CREB5: variants seen among roughly 807,000 people sequenced by gnomAD.
CREB5 encodes cAMP responsive element binding protein 5.
Under a neutral mutation model 57.1 loss-of-function variants are expected in CREB5, and 19 were observed. That is an observed-to-expected ratio of 0.33 (90% confidence interval 0.23 to 0.49). The LOEUF (loss-of-function observed/expected upper bound fraction) is 0.49. Among genes scored for constraint, CREB5 ranks in the 20% least tolerant of loss-of-function variants. CREB5 has a pLI of 0.99. For missense variants in CREB5, 579 were observed against 671.6 expected (o/e 0.86, Z 1.52); for synonymous variants, 238 against 238.3 (o/e 1.00, Z 0.01).
At chr7:28,686,586 T>A in intron 5 of CREB5, among the ~76,000 whole-genome samples, 1 of 151,910 alleles carries the variant, frequency 6.6e-6, no homozygotes, top group Middle Eastern at 3.5e-3. Flanking sequence ...TTTGCTGCGG[T>A]GTCGCTCCTA....
chr7:28,594,815 C>G (rs1223938446), intron 5 of CREB5, among the ~76,000 whole-genome samples: 1 of 152,060 alleles, frequency 6.6e-6, no homozygotes, highest in Non-Finnish European at 1.5e-5. Flanking sequence ...CATGTGAGGC[C>G]CAGCTAACCA....
intron 5 of CREB5, among the ~76,000 whole-genome samples, chr7:28,625,329 A>G (rs1450048156): frequency 6.6e-6 from 1 of 152,144 alleles, no homozygotes; most frequent in Non-Finnish European, 1.5e-5. Context: ...TCTTTCCTCC[A>G]TCATTCTGAT....
chr7:28,823,976 C>T lies in CREB5; in HGVS notation c.*4697C>T, dbSNP rs747368916. On this transcript the variant is annotated 3_prime_UTR_variant, in exon 11 of 11. Coordinates refer to ENST00000357727, the MANE Select transcript of CREB5 (RefSeq NM_182898.4). ...AAATTGCACTTTAGCTTTTTGATCC[C>T]TTTGTATTTCTCTTATTCTCTTTCT... 8 of 152,458 alleles carry T rather than the reference C, an allele frequency of 5.2e-5. No individual in the cohort carries two copies. Among genetic ancestry groups the T allele is most frequent in the Non-Finnish European group, 7.4e-5 (5 of 68,008 alleles). 9.4% of individuals were successfully genotyped at this position (152,458 alleles called of 1,614,324 possible).
At chr7:28,678,053 G>C (rs1333515611) in intron 5 of CREB5, among the ~76,000 whole-genome samples, 1 of 152,192 alleles carries the variant, frequency 6.6e-6, no homozygotes, top group African/African-American at 2.4e-5. Flanking sequence ...TAAATCTATA[G>C]AACACCTTGG....
chr7:28,311,329 C>T (rs1231454065), intron 1 of CREB5, among the ~76,000 whole-genome samples: 1 of 151,976 alleles, frequency 6.6e-6, no homozygotes, highest in Non-Finnish European at 1.5e-5. Flanking sequence ...GACTCTTGAG[C>T]CCTTAGGACC....
At chr7:28,459,316 G>T (rs905453748) in intron 1 of CREB5, among the ~76,000 whole-genome samples, 6 of 152,116 alleles carry the variant, frequency 3.9e-5, no homozygotes, top group Non-Finnish European at 7.4e-5. Flanking sequence ...GAGTTTTCAG[G>T]TTGGCTGTCT....
intron 1 of CREB5, among the ~76,000 whole-genome samples, chr7:28,360,952 C>T (rs1037218634): frequency 6.6e-6 from 1 of 151,958 alleles, no homozygotes; most frequent in Non-Finnish European, 1.5e-5. Context: ...TAGTTGTAAC[C>T]ACTGAGGGGC....
At position 28,526,637 on chromosome 7, in the gene CREB5, T is replaced by C. The variant is rs78528807; in HGVS notation, c.291+18900T>C. Among the ~76,000 whole-genome samples the C allele has an allele frequency of 6.0e-3, 915 of 152,308 alleles. 11 individuals carry two copies. Among genetic ancestry groups the C allele is most frequent in the African/African-American group, 0.021 (864 of 41,558 alleles). ...ATCCTTGCTTTGGGAAGATTTACCA[T>C]CAAAGCAGAGTCCATGGTTTAGGCA... On this transcript the variant is annotated intron_variant, in intron 4 of 10. Transcript: ENST00000357727.
At chr7:28,667,735 C>A (rs1181172079) in intron 5 of CREB5, among the ~76,000 whole-genome samples, 1 of 152,108 alleles carries the variant, frequency 6.6e-6, no homozygotes, top group Non-Finnish European at 1.5e-5. Context: ...ATTTTTGAAG[C>A]CGAATCCAGC....
At chr7:28,348,916 A>G (rs1786130529) in intron 1 of CREB5, among the ~76,000 whole-genome samples, 2 of 152,218 alleles carry the variant, frequency 1.3e-5, no homozygotes, top group African/African-American at 4.8e-5. Flanking sequence ...TTATGGCATA[A>G]CCAACCCTGA....
At chr7:28,790,662 A>G (rs1807647812) in intron 7 of CREB5, among the ~76,000 whole-genome samples, 1 of 152,202 alleles carries the variant, frequency 6.6e-6, no homozygotes, top group African/African-American at 2.4e-5. Context: ...TATCGTGGAC[A>G]TGCTGAAGGA....
chr7:28,532,890 G>A (rs758801368), intron 4 of CREB5, among the ~76,000 whole-genome samples: 1 of 152,220 alleles, frequency 6.6e-6, no homozygotes, highest in East Asian at 1.9e-4. Flanking sequence ...CAACCCCTTA[G>A]ACAAGAGTTA....
intron 1 of CREB5, among the ~76,000 whole-genome samples, chr7:28,391,170 T>C (rs1283215098): frequency 6.6e-6 from 1 of 152,226 alleles, no homozygotes; most frequent in Non-Finnish European, 1.5e-5. Context: ...TTTTCTGTTC[T>C]ATTTCAAATT....
intron 4 of CREB5, among the ~76,000 whole-genome samples, chr7:28,525,665 CAGGCACTTATAATA>C (rs1359329789): frequency 6.6e-6 from 1 of 152,108 alleles, no homozygotes; most frequent in Non-Finnish European, 1.5e-5. Context: ...ACTCAGACCA[CAGGCACTTATAATA>C]AGGTGTGACA....
chr7:28,347,676 A>G (rs1353497150), intron 1 of CREB5, among the ~76,000 whole-genome samples: 2 of 152,174 alleles, frequency 1.3e-5, no homozygotes, highest in African/African-American at 4.8e-5. Context: ...TGAAATTTCA[A>G]TGCAATAGCT....
chr7:28,704,521 C>T (rs1006023146), intron 5 of CREB5, among the ~76,000 whole-genome samples: 10 of 152,074 alleles, frequency 6.6e-5, no homozygotes, highest in East Asian at 3.9e-4. Flanking sequence ...TGCAGTGACA[C>T]GATCATAGCT....
intron 1 of CREB5, among the ~76,000 whole-genome samples, chr7:28,378,042 G>T (rs113181126): frequency 4.5e-4 from 68 of 152,014 alleles, no homozygotes; most frequent in African/African-American, 1.5e-3. Context: ...AAAACAGCTG[G>T]TTTGCTATAA....
chr7:28,645,643 T>C (rs1415059755), intron 5 of CREB5, among the ~76,000 whole-genome samples: 4 of 152,230 alleles, frequency 2.6e-5, no homozygotes, highest in Non-Finnish European at 2.9e-5. Flanking sequence ...TTATGATCAG[T>C]GTTTCTATGA....
chr7:28,788,145 T>TAA (rs1446975253), intron 7 of CREB5, among the ~76,000 whole-genome samples: 1 of 152,152 alleles, frequency 6.6e-6, no homozygotes, highest in African/African-American at 2.4e-5. Context: ...CTGGGCTGGA[T>TAA]AATTATTTGC....
Sources: gnomAD v4.1 joint callset for allele counts (sites outside exome capture counted in the v4.1 genomes callset) on GRCh38, gnomAD v4.1.1 for gene constraint, MANE v1.5 for transcripts, NCBI Gene and HGNC (gene_info 2026-07-23, HGNC 2026-07-21) for gene names.